The following KCNH5 variants were observed in gnomAD, a reference collection of about 807,000 sequenced individuals.
KCNH5 encodes the protein potassium voltage-gated channel subfamily H member 5.
In KCNH5, 46 loss-of-function variants were observed where a neutral mutation model predicts 96.1. The ratio of observed to expected loss-of-function variants is 0.48; its 90% confidence interval spans 0.38 to 0.61. The LOEUF (loss-of-function observed/expected upper bound fraction) is 0.61, where lower values mean the gene tolerates loss of function less well. Ranked by LOEUF, KCNH5 falls within the 20% of genes least tolerant of loss-of-function variation. KCNH5 has a pLI of 0.00. For missense variants in KCNH5, 907 were observed against 1,225.8 expected, an observed-to-expected ratio of 0.74 and a Z score of 3.88; for synonymous variants, 439 against 449.8, an observed-to-expected ratio of 0.98 and a Z score of 0.30.
chr14:63,032,777 T>C (rs926511822), intron 1 of KCNH5, among the ~76,000 whole-genome samples: 1 of 152,224 alleles, frequency 6.6e-6, no homozygotes, highest in African/African-American at 2.4e-5. Context: ...TACACACTTA[T>C]ATTGAGCTAA....
chr14:62,721,784 A>G (rs1395555495), intron 10 of KCNH5, among the ~76,000 whole-genome samples: 1 of 152,200 alleles, frequency 6.6e-6, no homozygotes, highest in East Asian at 1.9e-4. Flanking sequence ...AACATTACTA[A>G]TATTGTTTTC....
In KCNH5 at chr14:62,987,117, T is replaced by A; in HGVS notation, c.504A>T (p.Pro168=). 6.2e-7 allele frequency: 1 copy of A among 1,613,662 alleles called. No individual in the cohort carries two copies. Among genetic ancestry groups the A allele is most frequent in the Non-Finnish European group, 8.5e-7 (1 of 1,179,662 alleles). ...NSRSVLQQLT[P]MNKTEVVHKH... Reference sequence around the variant, plus strand: ...TATGGACCACCTCTGTTTTATTCATTGGCGTGAGCTGCTGCAAAACACTTC... The same window carrying A: ...TATGGACCACCTCTGTTTTATTCATAGGCGTGAGCTGCTGCAAAACACTTC... Residue 168 remains proline, a synonymous_variant, in exon 5 of 11, where the codon CCA becomes CCT. Transcript: ENST00000322893.
intron 10 of KCNH5, among the ~76,000 whole-genome samples, chr14:62,760,950 T>C (rs1176148578): frequency 6.6e-6 from 1 of 152,258 alleles, no homozygotes; most frequent in Non-Finnish European, 1.5e-5. Context: ...GTCCTTTCTA[T>C]CATATAGACA....
chr14:62,779,039 T>G (rs1886154266), intron 10 of KCNH5, among the ~76,000 whole-genome samples: 1 of 152,188 alleles, frequency 6.6e-6, no homozygotes, highest in Admixed American at 6.5e-5. Flanking sequence ...TAAAATCACT[T>G]AAGTGCAGTT....
intron 1 of KCNH5, among the ~76,000 whole-genome samples, chr14:63,035,749 G>C (rs1314172630): frequency 2.0e-5 from 3 of 152,122 alleles, no homozygotes; most frequent in Non-Finnish European, 4.4e-5. Context: ...ACCAGTTTCT[G>C]CTGGGAAATT....
Position 62,870,630 on chromosome 14 carries a change from T to C in KCNH5, c.1370-20778A>G, listed in dbSNP as rs1160683140. Among the ~76,000 whole-genome samples the C allele has an allele frequency of 2.6e-5, 4 of 152,330 alleles. 1 individual carries two copies. The highest frequency in any genetic ancestry group is 4.1e-4 in the South Asian group (2 of 4,828). On this transcript the variant is annotated intron_variant, in intron 7 of 10. Coordinates refer to ENST00000322893, the MANE Select transcript of KCNH5 (RefSeq NM_139318.5). Reference sequence around the variant, plus strand: ...TAAAATAAAAGCAAGGCAGTGAGTATCTTTTATAGGATAATGCATGGAAAC... The same window carrying C: ...TAAAATAAAAGCAAGGCAGTGAGTACCTTTTATAGGATAATGCATGGAAAC...
rs535703748 is a variant in KCNH5 at position 62,779,672 on chromosome 14, C to G, written c.2019+56G>C. The G allele has an allele frequency of 6.7e-5, 94 of 1,409,692 alleles. No homozygotes were observed. The African/African-American group carries it at 1.2e-3, about 17-fold the overall frequency. 87.3% of individuals were successfully genotyped at this position (1,409,692 alleles called of 1,614,324 possible). A position where few individuals can be genotyped will look rare whatever the true frequency, so the allele number is the denominator to read the frequency against. On this transcript the variant is annotated intron_variant, in intron 10 of 10. Coordinates refer to ENST00000322893, the MANE Select transcript of KCNH5 (RefSeq NM_139318.5). The stretch of plus-strand genomic sequence containing the variant: ...CTTCTCTACTCTTCAGCTAATAGAG[C>G]TGAATTAATTAATACTCTGGACACT...
intron 6 of KCNH5, among the ~76,000 whole-genome samples, chr14:62,972,143 T>C (rs1781040110): frequency 6.6e-6 from 1 of 152,092 alleles, no homozygotes; most frequent in Admixed American, 6.5e-5. Context: ...AAAGAACTCT[T>C]AAAACAACAA....
intron 6 of KCNH5, among the ~76,000 whole-genome samples, chr14:62,974,321 T>A (rs1341768381): frequency 6.6e-6 from 1 of 152,146 alleles, no homozygotes; most frequent in African/African-American, 2.4e-5. Flanking sequence ...AGCTGCTCCA[T>A]CTTTGATGAT....
intron 8 of KCNH5, among the ~76,000 whole-genome samples, chr14:62,822,498 C>A (rs1887135292): frequency 6.6e-6 from 1 of 151,998 alleles, no homozygotes; most frequent in African/African-American, 2.4e-5. Flanking sequence ...TACCAAGGAG[C>A]AAAAGCATTT....
At chr14:63,011,478 CAAA>C (rs199730487) in intron 2 of KCNH5, among the ~76,000 whole-genome samples, 1 of 125,402 alleles carries the variant, frequency 8.0e-6, no homozygotes, top group African/African-American at 2.8e-5. Flanking sequence ...AAGTCTGTCT[CAAA>C]AAAAAAAAAA....
chr14:62,859,922 G>A (rs1888000392), intron 7 of KCNH5, among the ~76,000 whole-genome samples: 1 of 152,204 alleles, frequency 6.6e-6, no homozygotes, highest in Non-Finnish European at 1.5e-5. Flanking sequence ...GAGAAGGCAG[G>A]GTGGCAGGAA....
chr14:62,762,910 G>A (rs1885783610), intron 10 of KCNH5, among the ~76,000 whole-genome samples: 1 of 152,124 alleles, frequency 6.6e-6, no homozygotes, highest in Admixed American at 6.5e-5. Flanking sequence ...TTACAGCAGT[G>A]CAAAGAGACT....
At chr14:62,758,858 G>A (rs1424648678) in intron 10 of KCNH5, among the ~76,000 whole-genome samples, 6 of 152,150 alleles carry the variant, frequency 3.9e-5, no homozygotes, top group Non-Finnish European at 7.4e-5. Flanking sequence ...GAGGGTGTAG[G>A]GTGGAAGACA....
intron 7 of KCNH5, among the ~76,000 whole-genome samples, chr14:62,859,704 G>A (rs899621208): frequency 6.6e-6 from 1 of 152,222 alleles, no homozygotes; most frequent in Admixed American, 6.5e-5. Flanking sequence ...CAGGTGGCCT[G>A]CTTGAAGTTC....
chr14:62,727,294 C>G (rs767089176), intron 10 of KCNH5, among the ~76,000 whole-genome samples: 2 of 151,702 alleles, frequency 1.3e-5, no homozygotes, highest in South Asian at 2.1e-4. Context: ...GAACCTGGGA[C>G]GTGGGGGTGA....
At chr14:62,824,208 G>C (rs1234621297) in intron 8 of KCNH5, among the ~76,000 whole-genome samples, 1 of 151,874 alleles carries the variant, frequency 6.6e-6, no homozygotes, top group Non-Finnish European at 1.5e-5. Flanking sequence ...GCAGTTCAGG[G>C]CTACCAAGAC....
intron 7 of KCNH5, among the ~76,000 whole-genome samples, chr14:62,905,758 G>C (rs1889015085): frequency 6.6e-6 from 1 of 152,194 alleles, no homozygotes; most frequent in African/African-American, 2.4e-5. Context: ...TAGTTCTCAG[G>C]GCTTTGATCC....
chr14:62,993,832 A>G (rs942127751), intron 4 of KCNH5, among the ~76,000 whole-genome samples: 11 of 152,080 alleles, frequency 7.2e-5, no homozygotes, highest in Non-Finnish European at 8.8e-5. Context: ...ATTATTCAGC[A>G]AAGTTTGCTA....
Sources: gnomAD v4.1 joint callset for allele counts (sites outside exome capture counted in the v4.1 genomes callset) on GRCh38, gnomAD v4.1.1 for gene constraint, MANE v1.5 for transcripts, NCBI Gene and HGNC (gene_info 2026-07-23, HGNC 2026-07-21) for gene names.